Variants in NRG3 observed in about 807,000 individuals in gnomAD.
The protein encoded by NRG3 is neuregulin 3, also known as pro-neuregulin-3, membrane-bound isoform.
In NRG3, 31 loss-of-function variants were observed where a neutral mutation model predicts 66.9. That is an observed-to-expected ratio of 0.46 (90% CI 0.35 to 0.63). NRG3 has a LOEUF of 0.63. Among genes scored for constraint, NRG3 ranks in the 20% least tolerant of loss-of-function variants. The pLI is 0.00. For synonymous variants in NRG3, 393 were observed against 359.4 expected (o/e 1.09, Z -1.06); for missense variants, 910 against 878.9 (o/e 1.04, Z -0.45).
chr10:82,898,278 C>G (rs777999059), intron 4 of NRG3, among the ~76,000 whole-genome samples: 4 of 152,176 alleles, frequency 2.6e-5, no homozygotes, highest in Non-Finnish European at 4.4e-5. Flanking sequence ...CTCCCAAACC[C>G]CCTCACAGTG....
At chr10:82,382,786 G>A (rs2085707468) in intron 2 of NRG3, among the ~76,000 whole-genome samples, 1 of 151,790 alleles carries the variant, frequency 6.6e-6, no homozygotes, top group Admixed American at 6.6e-5. Flanking sequence ...ATAAATTTCT[G>A]CATAGTCCTT....
At chr10:82,149,219 C>G (rs1448408061) in intron 1 of NRG3, among the ~76,000 whole-genome samples, 1 of 152,072 alleles carries the variant, frequency 6.6e-6, no homozygotes, top group Non-Finnish European at 1.5e-5. Flanking sequence ...GGCAGACTAT[C>G]AAGTTATTAT....
chr10:82,192,806 T>C (rs1419917589), intron 1 of NRG3, among the ~76,000 whole-genome samples: 1 of 151,994 alleles, frequency 6.6e-6, no homozygotes, highest in Non-Finnish European at 1.5e-5. Flanking sequence ...TGGTAGGAAA[T>C]GTAAGGTGAT....
chr10:82,073,218 G>A (rs1470109610), intron 1 of NRG3, among the ~76,000 whole-genome samples: 1 of 152,084 alleles, frequency 6.6e-6, no homozygotes, highest in Non-Finnish European at 1.5e-5. Flanking sequence ...ACAAAATAAA[G>A]GAGAGTTTCA....
At chr10:82,934,769 A>G (rs1206675570) in intron 4 of NRG3, among the ~76,000 whole-genome samples, 5 of 152,222 alleles carry the variant, frequency 3.3e-5, no homozygotes, top group African/African-American at 9.6e-5. Context: ...GGTAAAAGAG[A>G]TGAGGCTTAA....
At chr10:82,597,230 AT>A (rs910777517) in intron 2 of NRG3, among the ~76,000 whole-genome samples, 6 of 152,168 alleles carry the variant, frequency 3.9e-5, no homozygotes, top group Non-Finnish European at 8.8e-5. Context: ...CTAGAGATAG[AT>A]TAGATATAGG....
intron 1 of NRG3, among the ~76,000 whole-genome samples, chr10:82,068,341 A>C (rs946165058): frequency 1.3e-5 from 2 of 152,240 alleles, no homozygotes; most frequent in African/African-American, 4.8e-5. Flanking sequence ...TGTGTAAAAT[A>C]AGGTTATAAA....
chr10:82,960,990 A>G (rs576646664), intron 6 of NRG3, among the ~76,000 whole-genome samples: 2 of 152,342 alleles, frequency 1.3e-5, no homozygotes, highest in South Asian at 4.1e-4. Flanking sequence ...TGGTCTCTTC[A>G]CACAGACGCA....
intron 6 of NRG3, among the ~76,000 whole-genome samples, chr10:82,959,528 T>C (rs1592095648): frequency 6.6e-6 from 1 of 151,392 alleles, no homozygotes. Flanking sequence ...CAGTGGGAGG[T>C]GGATGGGGGT....
At chr10:82,827,179 T>C (rs760592515) in intron 3 of NRG3, 11 of 312,036 alleles carry the variant, frequency 3.5e-5, no homozygotes, top group South Asian at 2.7e-4. Flanking sequence ...ATAGCCCATA[T>C]GTGAGACTTT....
intron 5 of NRG3, among the ~76,000 whole-genome samples, chr10:82,956,017 A>G (rs186611825): frequency 2.6e-5 from 4 of 151,842 alleles, no homozygotes; most frequent in South Asian, 2.1e-4. Flanking sequence ...CCCCAGCCCA[A>G]TTCTGCTTCC....
At chr10:82,780,475 C>CTTT (rs1409952252) in intron 3 of NRG3, among the ~76,000 whole-genome samples, 1 of 109,512 alleles carries the variant, frequency 9.1e-6, no homozygotes, top group African/African-American at 3.5e-5. Flanking sequence ...TTTTTTTTTT[C>CTTT]TTTTCTTTTT....
At chr10:82,135,337 G>A (rs2069255111) in intron 1 of NRG3, among the ~76,000 whole-genome samples, 1 of 151,876 alleles carries the variant, frequency 6.6e-6, no homozygotes, top group Non-Finnish European at 1.5e-5. Flanking sequence ...GGCTAAATCT[G>A]CTTGGCATGC....
chr10:82,382,448 G>A (rs1383245938), intron 2 of NRG3, among the ~76,000 whole-genome samples: 1 of 151,792 alleles, frequency 6.6e-6, no homozygotes, highest in Non-Finnish European at 1.5e-5. Context: ...GTTTTATAAT[G>A]ATAAAGGAAA....
intron 4 of NRG3, among the ~76,000 whole-genome samples, chr10:82,943,873 T>A (rs1848780692): frequency 6.6e-6 from 1 of 152,228 alleles, no homozygotes. Context: ...TACTATGTGC[T>A]ATATGCTTAA....
At chr10:82,928,996 A>C (rs2026495) in intron 4 of NRG3, among the ~76,000 whole-genome samples, 71,745 of 151,984 alleles carry the variant, frequency 0.47, 17,931 homozygotes, top group East Asian at 0.67. Context: ...TAAGTGGAGG[A>C]AAAACATGAA....
In NRG3 at chr10:82,378,856, C is replaced by T. The variant is rs1564856107; in HGVS notation, c.953+19988C>T. ...AAAGTGCTGGGATTACAGGCATGAGCCGCCGCGCCTGGCTGCTGATGGAAT... is the reference window on the plus strand; with the variant it reads ...AAAGTGCTGGGATTACAGGCATGAGTCGCCGCGCCTGGCTGCTGATGGAAT... On this transcript the variant is annotated intron_variant, in intron 2 of 8. Transcript: ENST00000372141. 2.0e-5 allele frequency among the ~76,000 whole-genome samples: 3 copies of T among 152,128 alleles called. 1 individual carries two copies.
chr10:81,893,742 T>G (rs1843248318), intron 1 of NRG3, among the ~76,000 whole-genome samples: 2 of 152,204 alleles, frequency 1.3e-5, no homozygotes, highest in African/African-American at 2.4e-5. Context: ...TAACTACTAC[T>G]GTGGAAGGCA....
chr10:82,794,363 T>A (rs2060710792), intron 3 of NRG3, among the ~76,000 whole-genome samples: 1 of 152,176 alleles, frequency 6.6e-6, no homozygotes, highest in Admixed American at 6.5e-5. Context: ...TATATTTCTT[T>A]AAGGTTTTGG....
Sources: gnomAD v4.1 joint callset for allele counts (sites outside exome capture counted in the v4.1 genomes callset) on GRCh38, gnomAD v4.1.1 for gene constraint, MANE v1.5 for transcripts, NCBI Gene and HGNC (gene_info 2026-07-23, HGNC 2026-07-21) for gene names.